The following LRMDA variants were observed in gnomAD, a reference collection of about 807,000 sequenced individuals.
LRMDA encodes the protein leucine rich melanocyte differentiation associated.
Under a neutral mutation model 29.8 loss-of-function variants are expected in LRMDA, and 18 were observed. The observed-to-expected ratio is 0.60, with a 90% confidence interval of 0.42 to 0.90. The LOEUF is 0.90. LRMDA is among the 40% of genes least tolerant of loss of function. The pLI, the probability that LRMDA is intolerant of heterozygous loss-of-function variation, is 0.00. For missense variants in LRMDA, 273 were observed against 273.9 expected (o/e 1.00, Z 0.02); for synonymous variants, 125 against 109.4 (o/e 1.14, Z -0.89).
chr10:75,690,076 A>T (rs1040914607), intron 2 of LRMDA, among the ~76,000 whole-genome samples: 1 of 152,232 alleles, frequency 6.6e-6, no homozygotes, highest in Admixed American at 6.5e-5. Flanking sequence ...TAATATTTGT[A>T]GCTACTGATA....
At chr10:76,443,318 G>A (rs1219938287) in intron 6 of LRMDA, among the ~76,000 whole-genome samples, 3 of 152,172 alleles carry the variant, frequency 2.0e-5, no homozygotes, top group Non-Finnish European at 4.4e-5. Context: ...TTGGGTAATA[G>A]CCATCCTTCC....
intron 6 of LRMDA, among the ~76,000 whole-genome samples, chr10:76,401,627 AG>A (rs1841849993): frequency 2.6e-5 from 4 of 152,148 alleles, no homozygotes; most frequent in African/African-American, 9.7e-5. Context: ...GCACAACCAC[AG>A]GGAGAGTTGG....
intron 6 of LRMDA, among the ~76,000 whole-genome samples, chr10:76,345,230 C>G (rs11001738): frequency 6.8e-6 from 1 of 147,100 alleles, no homozygotes; most frequent in African/African-American, 2.5e-5. Flanking sequence ...CCACGCCCGG[C>G]TAATTTTTTG....
chr10:75,760,817 T>C (rs1276731451), intron 2 of LRMDA, among the ~76,000 whole-genome samples: 4 of 152,240 alleles, frequency 2.6e-5, no homozygotes, highest in African/African-American at 9.6e-5. Context: ...CATCAGGGCA[T>C]ACACTTGCTT....
At chr10:75,911,102 G>T (rs756155092) in intron 2 of LRMDA, among the ~76,000 whole-genome samples, 2 of 152,098 alleles carry the variant, frequency 1.3e-5, no homozygotes, top group Non-Finnish European at 2.9e-5. Context: ...GGTGACCTAT[G>T]TCTGGTGTCC....
At chr10:76,521,259 G>A (rs1440807992) in intron 6 of LRMDA, among the ~76,000 whole-genome samples, 1 of 151,632 alleles carries the variant, frequency 6.6e-6, no homozygotes, top group East Asian at 1.9e-4. Context: ...TCAGCCTCCA[G>A]AGTAGCTGGG....
At chr10:76,451,905 C>T (rs538928721) in intron 6 of LRMDA, among the ~76,000 whole-genome samples, 26 of 152,250 alleles carry the variant, frequency 1.7e-4, no homozygotes, top group Non-Finnish European at 3.4e-4. Flanking sequence ...GATCTGCCCA[C>T]CTCGGCCTCC....
chr10:75,470,765 G>C (rs756242107), intron 2 of LRMDA, among the ~76,000 whole-genome samples: 3 of 152,130 alleles, frequency 2.0e-5, no homozygotes, highest in Non-Finnish European at 1.5e-5. Flanking sequence ...CACGTCCCAG[G>C]GTACATAAGG....
At chr10:75,967,955 A>G (rs1306988120) in intron 2 of LRMDA, among the ~76,000 whole-genome samples, 1 of 152,130 alleles carries the variant, frequency 6.6e-6, no homozygotes, top group Non-Finnish European at 1.5e-5. Context: ...TCCACTCCCT[A>G]CTACTGCCTC....
At chr10:76,272,471 T>C (rs1436355235) in intron 5 of LRMDA, among the ~76,000 whole-genome samples, 1 of 152,198 alleles carries the variant, frequency 6.6e-6, no homozygotes, top group African/African-American at 2.4e-5. Flanking sequence ...GAATGGCTTC[T>C]GACATCACAA....
At chr10:76,050,692 T>C (rs926999970) in intron 4 of LRMDA, among the ~76,000 whole-genome samples, 16 of 152,228 alleles carry the variant, frequency 1.1e-4, no homozygotes, top group Non-Finnish European at 1.8e-4. Context: ...ACCATGCTAC[T>C]GAGAAACCAC....
chr10:76,288,719 T>G (rs1474007422), intron 5 of LRMDA, among the ~76,000 whole-genome samples: 1 of 152,100 alleles, frequency 6.6e-6, no homozygotes, highest in Non-Finnish European at 1.5e-5. Flanking sequence ...ATGACCAGAT[T>G]TGCACCTCCA....
intron 2 of LRMDA, among the ~76,000 whole-genome samples, chr10:75,788,561 G>C (rs74767986): frequency 1.3e-5 from 2 of 152,190 alleles, no homozygotes; most frequent in Non-Finnish European, 2.9e-5. Context: ...GGTTATGAAT[G>C]CCAATTGTTA....
At chr10:76,377,429 G>A (rs1262205860) in intron 6 of LRMDA, among the ~76,000 whole-genome samples, 2 of 152,090 alleles carry the variant, frequency 1.3e-5, no homozygotes, top group African/African-American at 4.8e-5. Flanking sequence ...TGTTTTTGTT[G>A]CATTTGATTT....
intron 5 of LRMDA, among the ~76,000 whole-genome samples, chr10:76,190,261 A>G (rs1363309987): frequency 6.6e-6 from 1 of 152,102 alleles, no homozygotes; most frequent in Non-Finnish European, 1.5e-5. Context: ...GGATTTTTCT[A>G]AAGTGGCATC....
At chr10:75,850,343 T>C (rs1429927322) in intron 2 of LRMDA, among the ~76,000 whole-genome samples, 3 of 151,518 alleles carry the variant, frequency 2.0e-5, no homozygotes, top group Non-Finnish European at 4.4e-5. Flanking sequence ...ATGGAGTCTT[T>C]TATTTTAGGA....
intron 2 of LRMDA, among the ~76,000 whole-genome samples, chr10:75,581,478 T>C (rs1340809711): frequency 6.6e-6 from 1 of 152,128 alleles, no homozygotes; most frequent in African/African-American, 2.4e-5. Context: ...GAAGTGTAAA[T>C]TAGTTCAACC....
At chr10:75,969,843 G>T (rs1846933330) in intron 2 of LRMDA, among the ~76,000 whole-genome samples, 1 of 152,146 alleles carries the variant, frequency 6.6e-6, no homozygotes, top group African/African-American at 2.4e-5. Flanking sequence ...CCAAAAGTTA[G>T]CTTGTACATT....
chr10:75,512,054 G>T (rs1041249269), intron 2 of LRMDA, among the ~76,000 whole-genome samples: 1 of 152,168 alleles, frequency 6.6e-6, no homozygotes, highest in Non-Finnish European at 1.5e-5. Context: ...TTTGTAGTAG[G>T]TTCTCACTTG....
Sources: gnomAD v4.1 joint callset for allele counts (sites outside exome capture counted in the v4.1 genomes callset) on GRCh38, gnomAD v4.1.1 for gene constraint, MANE v1.5 for transcripts, NCBI Gene and HGNC (gene_info 2026-07-23, HGNC 2026-07-21) for gene names.